The following FAM135A variants were observed in gnomAD, a reference collection of about 807,000 sequenced individuals.
FAM135A encodes the protein protein FAM135A.
Under a neutral mutation model 146.8 loss-of-function variants are expected in FAM135A, and 79 were observed. That is an observed-to-expected ratio of 0.54 (90% confidence interval 0.45 to 0.65). The LOEUF (loss-of-function observed/expected upper bound fraction) is 0.65, where lower values mean the gene tolerates loss of function less well. Among genes scored for constraint, FAM135A ranks in the 30% least tolerant of loss-of-function variants. The pLI, the probability that FAM135A is intolerant of heterozygous loss-of-function variation, is 0.00. For synonymous variants in FAM135A, 562 were observed against 603.6 expected, an observed-to-expected ratio of 0.93 and a Z score of 1.01; for missense variants, 1,623 against 1,758.2, an observed-to-expected ratio of 0.92 and a Z score of 1.38.
Position 70,526,580 on chromosome 6 carries a change from G to C in FAM135A, c.3496G>C (p.Val1166Leu). ...PSAPRESPCN[V>L]KYSSKSKFDA... is the part of the protein sequence containing the mutation. ...TGCACCACGAGAGTCTCCTTGTAAT[G>C]TTAAATATTCTTCCAAAAGTAAATT... The change falls in exon 15 of 22, where the codon GTT becomes CTT. Residue 1166 changes from valine to leucine, a missense_variant. This residue lies in a region of FAM135A where 1,061 missense variants were observed against 1,113.8 expected (regional missense o/e 0.95). Transcript: ENST00000418814. 6.8e-6 allele frequency: 11 copies of C among 1,613,558 alleles called. No homozygotes were observed. Among genetic ancestry groups the C allele is most frequent in the Non-Finnish European group, 9.3e-6 (11 of 1,179,654 alleles).
intron 15 of FAM135A, among the ~76,000 whole-genome samples, chr6:70,527,126 GA>G (rs1440774433): frequency 3.3e-5 from 5 of 152,024 alleles, no homozygotes; most frequent in African/African-American, 1.2e-4. Flanking sequence ...GTTTATCTAG[GA>G]AATAAGGATA....
intron 4 of FAM135A, among the ~76,000 whole-genome samples, chr6:70,451,182 T>C (rs1294882763): frequency 6.6e-6 from 1 of 152,176 alleles, no homozygotes; most frequent in African/African-American, 2.4e-5. Context: ...TCTCCAAATT[T>C]TGTCAAACAC....
In FAM135A at chr6:70,524,499, G is replaced by A; in HGVS notation, c.1415G>A (p.Gly472Asp). The A allele has an allele frequency of 1.3e-6, 2 of 1,551,232 alleles. No individual in the cohort carries two copies. The highest frequency in any genetic ancestry group is 1.7e-6 in the Non-Finnish European group (2 of 1,146,762). Reference protein sequence around the residue: ...AGASSIWYTEGEKQLTKSLKG... With the variant: ...AGASSIWYTEDEKQLTKSLKG... Reference sequence around the variant, plus strand: ...GCCTCCAGTATTTGGTATACAGAAGGTGAAAAGCAGCTAACAAAATCTCTA... The same window carrying A: ...GCCTCCAGTATTTGGTATACAGAAGATGAAAAGCAGCTAACAAAATCTCTA... The change falls in exon 15 of 22, where the codon GGT becomes GAT. Residue 472 changes from glycine to aspartate, a missense_variant. Gly to Asp is a moderately conservative substitution (Grantham distance 94, BLOSUM62 -1). Around this residue, in one of 7 missense-constraint regions of FAM135A, gnomAD observed 1,061 missense variants for 1,113.8 expected, o/e 0.95. Transcript: ENST00000418814.
rs56323950 is a variant in FAM135A, at chr6:70,467,315, C to CA, written c.158-8084dup. 8.9e-4 allele frequency among the ~76,000 whole-genome samples: 128 copies of CA among 144,264 alleles called. 1 individual carries two copies. The South Asian group carries it at 0.011, about 12-fold the overall frequency. 94.6% of individuals were successfully genotyped at this position (144,264 alleles called of 152,430 possible). ...TGATTACTAATCTTATTTTTTTCTC[C>CA]AAAAAAAAAAATGACTGATTTTTAA... On this transcript the variant is annotated intron_variant, in intron 5 of 21. Transcript: ENST00000418814.
Position 70,533,158 on chromosome 6 carries a change from A to G in FAM135A, c.3776-2A>G. On this transcript the variant is annotated splice_acceptor_variant, in intron 16 of 21. Coordinates refer to ENST00000418814, the MANE Select transcript of FAM135A (RefSeq NM_001162529.3). LOFTEE classifies it high-confidence loss of function. ...CTTTAAACATCATTTTTCATTTTTT[A>G]GGAAACAGTGCAGATCTCCGATTAG... 6.2e-7 allele frequency: 1 copy of G among 1,609,820 alleles called. No individual in the cohort carries two copies. The highest frequency in any genetic ancestry group is 8.5e-7 in the Non-Finnish European group (1 of 1,177,030).
chr6:70,536,309 A>C lies in FAM135A; in HGVS notation c.4015A>C (p.Arg1339=). The C allele has an allele frequency of 6.2e-7, 1 of 1,613,296 alleles. No homozygotes were observed. Among genetic ancestry groups the C allele is most frequent in the Non-Finnish European group, 8.5e-7 (1 of 1,179,656 alleles). Reference sequence around the variant, plus strand: ...TTTAATAATTCGTTCAGTGCTTACAAGGCCAAGGTTTAAATATTACCTCAA... The same window carrying C: ...TTTAATAATTCGTTCAGTGCTTACACGGCCAAGGTTTAAATATTACCTCAA... ...GNLIIRSVLT[R]PRFKYYLNKL... is the part of the protein sequence containing the mutation. Residue 1339 remains arginine (R), a synonymous_variant, in exon 19 of 22, where the codon AGG becomes CGG. Transcript: ENST00000418814.
At chr6:70,481,295 A>G (rs1783656036) in intron 9 of FAM135A, among the ~76,000 whole-genome samples, 1 of 152,192 alleles carries the variant, frequency 6.6e-6, no homozygotes, top group African/African-American at 2.4e-5. Context: ...TGGTCCAACA[A>G]CTGGTAGAAT....
chr6:70,426,122 C>A (rs979991686), intron 2 of FAM135A, among the ~76,000 whole-genome samples: 9 of 143,456 alleles, frequency 6.3e-5, no homozygotes, highest in East Asian at 2.1e-4. Flanking sequence ...AAAAAAAAAA[C>A]AACAACAAAA....
At chr6:70,466,372 A>G (rs1029482120) in intron 5 of FAM135A, among the ~76,000 whole-genome samples, 4 of 152,200 alleles carry the variant, frequency 2.6e-5, no homozygotes, top group African/African-American at 4.8e-5. Flanking sequence ...CAGTATAACT[A>G]TATTCCAAGG....
intron 16 of FAM135A, among the ~76,000 whole-genome samples, chr6:70,531,888 CTTTTTTTTTTTTT>C (rs869128532): frequency 3.5e-5 from 3 of 85,716 alleles, no homozygotes; most frequent in African/African-American, 9.0e-5. Flanking sequence ...AAACTGATTT[CTTTTTTTTTTTTT>C]TTTTTTTTTT....
intron 4 of FAM135A, among the ~76,000 whole-genome samples, chr6:70,451,517 AC>A (rs1351729557): frequency 6.6e-6 from 1 of 152,040 alleles, no homozygotes; most frequent in African/African-American, 2.4e-5. Context: ...AAGTCATCTA[AC>A]TTTATGGAGT....
rs1256612871 is a variant in FAM135A, at chr6:70,523,988, G to A, written c.1125G>A (p.Met375Ile). The A allele has an allele frequency of 6.2e-7, 1 of 1,612,004 alleles. No individual in the cohort carries two copies. Among genetic ancestry groups the A allele is most frequent in the Non-Finnish European group, 8.5e-7 (1 of 1,179,252 alleles). Reference sequence around the variant, plus strand: ...TCAGTGCTCAGAGTCATCTACAGATGTGCACCGCTATCAAAAATACTTCCT... The same window carrying A: ...TCAGTGCTCAGAGTCATCTACAGATATGCACCGCTATCAAAAATACTTCCT... ...QELHAQSHLQMCTAIKNTSFC... is the reference protein window; with the variant it reads ...QELHAQSHLQICTAIKNTSFC... Residue 375 changes from methionine (M) to isoleucine (I), a missense_variant, in exon 14 of 22, where the codon ATG becomes ATA. Physicochemically the swap from Met to Ile is conservative, Grantham distance 10 (BLOSUM62 1). Coordinates refer to ENST00000418814, the MANE Select transcript of FAM135A (RefSeq NM_001162529.3).
Position 70,449,478 on chromosome 6 carries a change from C to A in FAM135A, c.78-3014C>A, listed in dbSNP as rs1473078916. On this transcript the variant is annotated intron_variant, in intron 4 of 21. Coordinates refer to ENST00000418814, the MANE Select transcript of FAM135A (RefSeq NM_001162529.3). Reference sequence around the variant, plus strand: ...TCTATGAGTTCAAGATTTTTAGATTCTACATGTAAGTGACATTATACATTA... The same window carrying A: ...TCTATGAGTTCAAGATTTTTAGATTATACATGTAAGTGACATTATACATTA... 9.9e-5 allele frequency among the ~76,000 whole-genome samples: 15 copies of A among 152,270 alleles called. 1 individual carries two copies. Among genetic ancestry groups the A allele is most frequent in the East Asian group, 5.8e-4 (3 of 5,184 alleles).
At chr6:70,423,630 T>G (rs913523032) in intron 2 of FAM135A, among the ~76,000 whole-genome samples, 4 of 152,178 alleles carry the variant, frequency 2.6e-5, no homozygotes, top group African/African-American at 9.7e-5. Context: ...ATGTTTCACT[T>G]CAGTTTACAT....
At chr6:70,487,654 A>G (rs909987207) in intron 10 of FAM135A, among the ~76,000 whole-genome samples, 18 of 152,306 alleles carry the variant, frequency 1.2e-4, no homozygotes, top group Middle Eastern at 3.4e-3. Flanking sequence ...TTTCTGGAAC[A>G]TAGTATTATA....
At chr6:70,553,057 A>G (rs535951397) in intron 20 of FAM135A, among the ~76,000 whole-genome samples, 1 of 152,170 alleles carries the variant, frequency 6.6e-6, no homozygotes, top group African/African-American at 2.4e-5. Context: ...TCCTCTTCCA[A>G]CCTTTTTCAC....
intron 4 of FAM135A, among the ~76,000 whole-genome samples, chr6:70,446,668 T>C (rs1051676767): frequency 1.3e-5 from 2 of 152,192 alleles, no homozygotes; most frequent in African/African-American, 4.8e-5. Flanking sequence ...AGTAATTACA[T>C]TGAGGCATTA....
intron 5 of FAM135A, among the ~76,000 whole-genome samples, chr6:70,473,579 T>C (rs1465948481): frequency 6.6e-6 from 1 of 152,190 alleles, no homozygotes; most frequent in African/African-American, 2.4e-5. Context: ...TATCCTTTAA[T>C]ATATTTCCTT....
At chr6:70,488,388 A>T (rs377337087) in intron 10 of FAM135A, among the ~76,000 whole-genome samples, 1 of 152,068 alleles carries the variant, frequency 6.6e-6, no homozygotes, top group African/African-American at 2.4e-5. Flanking sequence ...TCCAAAACTC[A>T]TATGTGTATA....
Sources: gnomAD v4.1 joint callset for allele counts (sites outside exome capture counted in the v4.1 genomes callset) on GRCh38, gnomAD v4.1.1 for gene constraint, gnomAD v4.1.1 regional missense constraint, MANE v1.5 for transcripts, NCBI Gene and HGNC (gene_info 2026-07-23, HGNC 2026-07-21) for gene names.